Variants in GDA observed in about 807,000 individuals in gnomAD.
The protein encoded by GDA is cytoplasmic PSD-95 interactor.
Under a neutral mutation model 59.6 loss-of-function variants are expected in GDA, and 18 were observed. The observed-to-expected ratio is 0.30, with a 90% CI of 0.21 to 0.45. GDA has a LOEUF of 0.45. Among genes scored for constraint, GDA ranks in the 20% least tolerant of loss-of-function variants. The probability of loss-of-function intolerance (pLI) is 1.00; values close to 1 mark genes in which losing one functional copy is unlikely to be tolerated. For synonymous variants in GDA, 201 were observed against 201.1 expected, an observed-to-expected ratio of 1.00 and a Z score of 0.00; for missense variants, 427 against 552.3, an observed-to-expected ratio of 0.77 and a Z score of 2.27.
chr9:72,215,112 G>A (rs902864600), intron 5 of GDA, among the ~76,000 whole-genome samples: 2 of 152,066 alleles, frequency 1.3e-5, no homozygotes, highest in African/African-American at 4.8e-5. Flanking sequence ...AGAAACAGAG[G>A]GTATGCAAGA....
In GDA at chr9:72,150,867, A is replaced by G. The variant is rs116774776; in HGVS notation, c.123+1185A>G. ...AGAGCTCTCCCAGGGAGATTCCGGT[A>G]AACCCTGAGACTGATGAACCCATGC... On this transcript the variant is annotated intron_variant, in intron 1 of 13. Transcript: ENST00000358399. Among the ~76,000 whole-genome samples, 1,173 of 152,282 alleles carry G rather than the reference A, an allele frequency of 7.7e-3. 20 individuals are homozygous for G. The highest frequency in any genetic ancestry group is 0.026 in the African/African-American group (1,085 of 41,554).
chr9:72,245,338 C>T, intron 12 of GDA, 60 bp downstream of exon 12: 2 of 1,290,434 alleles, frequency 1.5e-6, no homozygotes, highest in Non-Finnish European at 2.2e-6. Context: ...TAATAGCTTC[C>T]CTGTAGAAAA....
rs150919316 is a variant in GDA, at chr9:72,155,026, G to A, written c.123+5344G>A. 8.5e-5 allele frequency among the ~76,000 whole-genome samples: 13 copies of A among 152,296 alleles called. No homozygotes were observed. In the East Asian group the frequency reaches 2.5e-3, roughly 29 times the overall value. Reference sequence around the variant, plus strand: ...TCAGAACTTGAACTAGTTAGGGGAAGGCTTTCCCTAGCGTGAAGTGACATC... The same window carrying A: ...TCAGAACTTGAACTAGTTAGGGGAAAGCTTTCCCTAGCGTGAAGTGACATC... On this transcript the variant is annotated intron_variant, in intron 1 of 13. Transcript: ENST00000358399.
At chr9:72,240,433 G>T (rs1254969803) in intron 10 of GDA, among the ~76,000 whole-genome samples, 2 of 152,164 alleles carry the variant, frequency 1.3e-5, no homozygotes, top group African/African-American at 4.8e-5. Context: ...TTCTGTGAGA[G>T]TTCATGGACT....
chr9:72,185,463 C>G (rs941937031), intron 1 of GDA, among the ~76,000 whole-genome samples: 3 of 152,158 alleles, frequency 2.0e-5, no homozygotes, highest in Non-Finnish European at 2.9e-5. Context: ...TTTTTTCCCC[C>G]ACTTTGGTTT....
At chr9:72,166,928 A>G (rs1272366759) in intron 1 of GDA, among the ~76,000 whole-genome samples, 7 of 152,046 alleles carry the variant, frequency 4.6e-5, no homozygotes, top group African/African-American at 1.7e-4. Context: ...ATTGTTCTCG[A>G]TTTTTCATAG....
rs1265482311 is a variant in GDA, at chr9:72,250,033, C to G, written c.*1691C>G. ...AGAGTTTGTTTTGTGAGATAAGTAT[C>G]TTAGTAAACCCAATTTCCAGTCTTA... On this transcript the variant is annotated 3_prime_UTR_variant, in exon 14 of 14. Transcript: ENST00000358399. 1.0e-6 allele frequency: 1 copy of G among 966,032 alleles called. No homozygotes were observed. The highest frequency in any genetic ancestry group is 1.2e-6 in the Non-Finnish European group (1 of 812,588). 59.8% of individuals were successfully genotyped at this position (966,032 alleles called of 1,614,324 possible). A position where few individuals can be genotyped will look rare whatever the true frequency, so the allele number is the denominator to read the frequency against.
chr9:72,183,967 C>G (rs142208795), intron 1 of GDA, among the ~76,000 whole-genome samples: 232 of 152,270 alleles, frequency 1.5e-3, no homozygotes, highest in Middle Eastern at 3.4e-3. Flanking sequence ...ATTTGACTGT[C>G]TATACCTTAT....
chr9:72,248,436 T>C lies in GDA; in HGVS notation c.*94T>C. 1.9e-6 allele frequency: 3 copies of C among 1,582,618 alleles called. No homozygotes were observed. Among genetic ancestry groups the C allele is most frequent in the Non-Finnish European group, 2.6e-6 (3 of 1,164,962 alleles). ...AGTTAGAAAGTCAAAAAATAGTACC[T>C]TGTTCTTGGGATGACTATCCCTTTC... On this transcript the variant is annotated 3_prime_UTR_variant, in exon 14 of 14. Coordinates refer to ENST00000358399, the MANE Select transcript of GDA (RefSeq NM_004293.5).
intron 1 of GDA, 48 bp from the exon 2 acceptor site, chr9:72,195,452 G>T: frequency 1.4e-6 from 1 of 690,510 alleles, no homozygotes; most frequent in Non-Finnish European, 2.4e-6. Flanking sequence ...ACAAATGACT[G>T]TGACTCACTA....
At chr9:72,228,718 TCA>T (rs1837916019) in intron 9 of GDA, 2 of 152,198 alleles carry the variant, frequency 1.3e-5, no homozygotes, top group Admixed American at 1.3e-4. Flanking sequence ...TGAAACCCCA[TCA>T]GTATTAAACA....
intron 1 of GDA, among the ~76,000 whole-genome samples, chr9:72,132,313 A>G (rs1223840811): frequency 6.6e-6 from 1 of 152,172 alleles, no homozygotes; most frequent in Non-Finnish European, 1.5e-5. Flanking sequence ...GAAAGTTTGA[A>G]TACAAAAGAA....
intron 8 of GDA, among the ~76,000 whole-genome samples, chr9:72,226,570 C>T (rs1282903491): frequency 1.3e-4 from 20 of 152,144 alleles, no homozygotes; most frequent in Admixed American, 1.2e-3. Flanking sequence ...TAATGTACTA[C>T]TTGGCCTTGG....
Position 72,241,288 on chromosome 9 carries a change from A to G in GDA, c.1125A>G (p.Gly375=). Reference sequence around the variant, plus strand: ...AAGTCTTCAGACTAGCTACTCTTGGAGGAAGCCAAGGTAATGACTCTTACA... The same window carrying G: ...AAGTCTTCAGACTAGCTACTCTTGGGGGAAGCCAAGGTAATGACTCTTACA... ...LKEVFRLATL[G]GSQALGLDGE... The change falls in exon 11 of 14, where the codon GGA becomes GGG. Residue 375 remains glycine (G), a synonymous_variant. Coordinates refer to ENST00000358399, the MANE Select transcript of GDA (RefSeq NM_004293.5). 1 of 1,598,996 alleles carries G rather than the reference A, an allele frequency of 6.3e-7. No individual in the cohort carries two copies. Among genetic ancestry groups the G allele is most frequent in the Non-Finnish European group, 8.6e-7 (1 of 1,168,538 alleles).
intron 10 of GDA, among the ~76,000 whole-genome samples, chr9:72,235,255 G>A (rs889877161): frequency 2.0e-5 from 3 of 152,176 alleles, no homozygotes; most frequent in African/African-American, 7.2e-5. Flanking sequence ...CTGGAAAGAG[G>A]TTCCTGGGAC....
At chr9:72,186,569 T>C (rs117840794) in intron 1 of GDA, among the ~76,000 whole-genome samples, 4,242 of 152,236 alleles carry the variant, frequency 0.028, 88 homozygotes, top group Non-Finnish European at 0.04. Flanking sequence ...TTGTTCCCAG[T>C]CTCTGGAATA....
intron 1 of GDA, among the ~76,000 whole-genome samples, chr9:72,129,675 G>A (rs1286058146): frequency 6.6e-6 from 1 of 152,138 alleles, no homozygotes; most frequent in African/African-American, 2.4e-5. Flanking sequence ...AAGGGAGACC[G>A]ATGATGTTCA....
chr9:72,219,005 T>C lies in GDA; in HGVS notation c.579-474T>C, dbSNP rs185504340. On this transcript the variant is annotated intron_variant, in intron 5 of 13. Coordinates refer to ENST00000358399, the MANE Select transcript of GDA (RefSeq NM_004293.5). ...AGTAAAAAAGCAGAGTAATTACTAC[T>C]TGTTAATCTTTAATTAGTGGTGGTG... Among the ~76,000 whole-genome samples, 4 of 152,322 alleles carry C rather than the reference T, an allele frequency of 2.6e-5. No homozygotes were observed. The East Asian group carries it at 7.7e-4, about 29-fold the overall frequency.
At chr9:72,204,154 A>G (rs1207765403) in intron 3 of GDA, among the ~76,000 whole-genome samples, 1 of 152,202 alleles carries the variant, frequency 6.6e-6, no homozygotes, top group Admixed American at 6.5e-5. Context: ...TCACGTAATT[A>G]TAAATTCAGT....
Sources: gnomAD v4.1 joint callset for allele counts (sites outside exome capture counted in the v4.1 genomes callset) on GRCh38, gnomAD v4.1.1 for gene constraint, MANE v1.5 for transcripts, NCBI Gene and HGNC (gene_info 2026-07-23, HGNC 2026-07-21) for gene names.